Variants in SCN11A observed in about 807,000 individuals in gnomAD.
The protein encoded by SCN11A is sodium voltage-gated channel alpha subunit 11.
A neutral mutation model predicts 162.2 loss-of-function variants in SCN11A; 122 were observed. The observed-to-expected ratio is 0.75, with a 90% CI of 0.65 to 0.87. The LOEUF (loss-of-function observed/expected upper bound fraction) is 0.87, where lower values mean the gene tolerates loss of function less well. SCN11A is among the 40% of genes least tolerant of loss of function. SCN11A has a pLI of 0.00. For missense variants in SCN11A, 2,015 were observed against 2,181.6 expected, an observed-to-expected ratio of 0.92 and a Z score of 1.52; for synonymous variants, 758 against 751.5, an observed-to-expected ratio of 1.01 and a Z score of -0.14.
intron 2 of SCN11A, among the ~76,000 whole-genome samples, chr3:38,983,601 G>A (rs75444060): frequency 0.052 from 7,884 of 152,210 alleles, 232 homozygotes; most frequent in Middle Eastern, 0.065. Flanking sequence ...TAACCTCTGC[G>A]TCTCAGTTTC....
intron 3 of SCN11A, among the ~76,000 whole-genome samples, chr3:38,959,358 A>G (rs950189932): frequency 6.6e-6 from 1 of 152,064 alleles, no homozygotes; most frequent in African/African-American, 2.4e-5. Context: ...CAGGCCTTAT[A>G]CTCTTAGCCA....
chr3:39,001,761 G>T (rs1015574487), intron 2 of SCN11A, among the ~76,000 whole-genome samples: 5 of 152,060 alleles, frequency 3.3e-5, no homozygotes, highest in Non-Finnish European at 5.9e-5. Flanking sequence ...TTGGCCGGGC[G>T]CAGTGGCTCA....
At chr3:38,932,601 A>G (rs1395221784) in intron 7 of SCN11A, among the ~76,000 whole-genome samples, 2 of 152,208 alleles carry the variant, frequency 1.3e-5, no homozygotes, top group Non-Finnish European at 2.9e-5. Flanking sequence ...TCCTACACCC[A>G]CGGAGTCTCG....
chr3:38,896,098 G>A (rs558146779), intron 18 of SCN11A, among the ~76,000 whole-genome samples: 39 of 152,262 alleles, frequency 2.6e-4, no homozygotes, highest in East Asian at 5.8e-4. Context: ...CAAGAAGTTC[G>A]AAAATAGAAC....
chr3:39,017,612 GTCTC>G (rs1009914359), intron 2 of SCN11A, among the ~76,000 whole-genome samples: 3 of 151,528 alleles, frequency 2.0e-5, no homozygotes, highest in East Asian at 3.9e-4. Context: ...TATTTTTTCT[GTCTC>G]TCTCTCTCTT....
chr3:39,034,886 A>G (rs1040354364), intron 1 of SCN11A, among the ~76,000 whole-genome samples: 1 of 152,214 alleles, frequency 6.6e-6, no homozygotes, highest in African/African-American at 2.4e-5. Flanking sequence ...AATAAACTTA[A>G]TCAAAAAAGT....
intron 11 of SCN11A, among the ~76,000 whole-genome samples, chr3:38,918,624 C>T (rs571366153): frequency 1.3e-5 from 2 of 152,136 alleles, no homozygotes; most frequent in Admixed American, 1.3e-4. Flanking sequence ...CAACAGGGAC[C>T]GGTTTCATGG....
intron 22 of SCN11A, 28 bp downstream of exon 22, chr3:38,883,205 A>C: frequency 6.3e-7 from 1 of 1,594,504 alleles, no homozygotes; most frequent in Non-Finnish European, 8.6e-7. Context: ...CTGATGCCCA[A>C]TGTCTCCACA....
chr3:38,885,393 C>T lies in SCN11A; in HGVS notation c.2959G>A (p.Val987Ile), dbSNP rs2065380258. The stretch of plus-strand genomic sequence containing the variant: ...CTACATTCTGATAGTATACTGGTAA[C>T]ATCAGACTTCTGCACATCAGAACAA... ...TIQDPRKKSD[V>I]TSILSECSTI... Residue 987 changes from valine (V) to isoleucine (I), a missense_variant, in exon 21 of 30, where the codon GTT becomes ATT. Transcript: ENST00000302328. 3.1e-6 allele frequency: 5 copies of T among 1,587,538 alleles called. No individual in the cohort carries two copies. The highest frequency in any genetic ancestry group is 1.3e-5 in the African/African-American group (1 of 74,466).
At chr3:38,927,647 C>T (rs1030188152) in intron 7 of SCN11A, among the ~76,000 whole-genome samples, 2 of 152,016 alleles carry the variant, frequency 1.3e-5, no homozygotes, top group African/African-American at 4.8e-5. Context: ...GCTGGGGAGG[C>T]CTCAGAAAAA....
At chr3:38,920,130 T>C (rs996101965) in intron 10 of SCN11A, 129 bp from the exon 11 acceptor site, 15 of 696,562 alleles carry the variant, frequency 2.2e-5, no homozygotes, top group South Asian at 1.5e-4. Context: ...AGGAGGTGTG[T>C]CCAGAGAGAA....
At chr3:38,995,913 T>C (rs1487864384) in intron 2 of SCN11A, among the ~76,000 whole-genome samples, 3 of 152,046 alleles carry the variant, frequency 2.0e-5, no homozygotes, top group Non-Finnish European at 4.4e-5. Context: ...CAGATAAGGA[T>C]GTATATAGAG....
At position 38,885,349 on chromosome 3, in the gene SCN11A, A is replaced by C; in HGVS notation, c.3003T>G (p.Asp1001Glu). The C allele has an allele frequency of 6.2e-7, 1 of 1,613,720 alleles. No individual in the cohort carries two copies. Among genetic ancestry groups the C allele is most frequent in the African/African-American group, 1.3e-5 (1 of 75,042 alleles). The change falls in exon 21 of 30, where the codon GAT becomes GAG. Residue 1001 changes from aspartate (D) to glutamate (E), a missense_variant. Asp to Glu is a conservative substitution (Grantham distance 45). Coordinates refer to ENST00000302328, the MANE Select transcript of SCN11A (RefSeq NM_001349253.2). ...CCATCTCAGGTAACCATCCAAAGCC[A>C]TCCTGAAGATCAATGGTGCTACATT... is the stretch of plus-strand genomic sequence containing the variant. ...LSECSTIDLQ[D>E]GFGWLPEMVP...
intron 7 of SCN11A, among the ~76,000 whole-genome samples, chr3:38,927,877 C>T (rs2066169586): frequency 6.6e-6 from 1 of 152,180 alleles, no homozygotes; most frequent in Admixed American, 6.5e-5. Flanking sequence ...TACTACAATT[C>T]ATGATGAGAT....
intron 6 of SCN11A, 23 bp downstream of exon 6, chr3:38,946,766 T>C: frequency 1.4e-6 from 2 of 1,472,058 alleles, no homozygotes; most frequent in African/African-American, 1.4e-5. Context: ...CTGGACTTAG[T>C]AAAAGGTGCA....
chr3:38,915,811 A>G (rs1344717222), intron 11 of SCN11A, among the ~76,000 whole-genome samples: 1 of 152,028 alleles, frequency 6.6e-6, no homozygotes, highest in African/African-American at 2.4e-5. Context: ...TAGAGGTCTA[A>G]CAGGTCCATT....
At chr3:39,028,930 T>C (rs79903353) in intron 2 of SCN11A, among the ~76,000 whole-genome samples, 4,739 of 152,290 alleles carry the variant, frequency 0.031, 253 homozygotes, top group African/African-American at 0.11. Flanking sequence ...ACATTGGGAA[T>C]CAAATTGCAA....
chr3:39,017,199 A>G (rs2031314173), intron 2 of SCN11A, among the ~76,000 whole-genome samples: 1 of 152,214 alleles, frequency 6.6e-6, no homozygotes, highest in South Asian at 2.1e-4. Context: ...CACAATAAAA[A>G]TGATGGCCTT....
intron 7 of SCN11A, among the ~76,000 whole-genome samples, chr3:38,936,154 T>C (rs1378992311): frequency 1.3e-5 from 2 of 151,616 alleles, no homozygotes; most frequent in African/African-American, 4.8e-5. Context: ...AAAAGGCCTT[T>C]GACAAAATTC....
Sources: allele counts gnomAD v4.1 joint callset (sites outside exome capture counted in the v4.1 genomes callset), GRCh38; gene constraint gnomAD v4.1.1; transcripts MANE v1.5; gene names NCBI Gene and HGNC (gene_info 2026-07-23, HGNC 2026-07-21).